SLC25A12: variants seen among roughly 807,000 people sequenced by gnomAD.
The protein encoded by SLC25A12 is solute carrier family 25 member 12.
SLC25A12 carries 32 observed loss-of-function variants against 83.3 expected under a neutral mutation model. The ratio of observed to expected loss-of-function variants is 0.38; its 90% CI spans 0.29 to 0.52. The LOEUF (loss-of-function observed/expected upper bound fraction) is 0.52. Among genes scored for constraint, SLC25A12 ranks in the 20% least tolerant of loss-of-function variants. The pLI is 0.84. For synonymous variants in SLC25A12, 267 were observed against 291.1 expected (o/e 0.92, Z 0.84); for missense variants, 611 against 835.6 (o/e 0.73, Z 3.31).
chr2:171,863,529 C>A (rs75517516), intron 3 of SLC25A12, among the ~76,000 whole-genome samples: 131 of 128,186 alleles, frequency 1.0e-3, no homozygotes, highest in African/African-American at 1.9e-3. Context: ...CCGTCTCCGA[C>A]AAAAAAAAAA....
intron 2 of SLC25A12, among the ~76,000 whole-genome samples, chr2:171,874,701 A>G (rs887069291): frequency 1.3e-5 from 2 of 152,224 alleles, no homozygotes; most frequent in Non-Finnish European, 2.9e-5. Context: ...ATGCAGCCAT[A>G]AAAAAGACTG....
At chr2:171,858,818 C>G (rs571849913) in intron 3 of SLC25A12, among the ~76,000 whole-genome samples, 38 of 152,206 alleles carry the variant, frequency 2.5e-4, no homozygotes, top group Non-Finnish European at 4.7e-4. Context: ...TATCTATCTA[C>G]AGACCACACT....
chr2:171,828,680 C>T (rs1684365755), intron 8 of SLC25A12, among the ~76,000 whole-genome samples: 1 of 152,198 alleles, frequency 6.6e-6, no homozygotes, highest in South Asian at 2.1e-4. Context: ...ACCTTTCCCC[C>T]CTTGAGATTA....
intron 2 of SLC25A12, among the ~76,000 whole-genome samples, chr2:171,876,399 G>A (rs922102623): frequency 6.6e-6 from 1 of 152,160 alleles, no homozygotes; most frequent in African/African-American, 2.4e-5. Context: ...CAACCAAAGA[G>A]GGAGTTTAGA....
intron 3 of SLC25A12, among the ~76,000 whole-genome samples, chr2:171,867,871 G>T (rs2105916907): frequency 6.6e-6 from 1 of 152,258 alleles, no homozygotes; most frequent in Admixed American, 6.5e-5. Flanking sequence ...CTGAGATGGA[G>T]CCTCGCTCTG....
chr2:171,881,395 A>G (rs1685691543), intron 2 of SLC25A12, among the ~76,000 whole-genome samples: 1 of 152,180 alleles, frequency 6.6e-6, no homozygotes, highest in African/African-American at 2.4e-5. Flanking sequence ...CAGGTGATCC[A>G]GCCGCCTCGG....
At chr2:171,799,430 T>C (rs919026237) in intron 13 of SLC25A12, among the ~76,000 whole-genome samples, 1 of 152,204 alleles carries the variant, frequency 6.6e-6, no homozygotes. Context: ...AACTACTCTT[T>C]AGAGATATAC....
chr2:171,878,641 T>C (rs923523603), intron 2 of SLC25A12, among the ~76,000 whole-genome samples: 1 of 152,222 alleles, frequency 6.6e-6, no homozygotes, highest in African/African-American at 2.4e-5. Flanking sequence ...CAAAACAAAC[T>C]GTTCCTCCAT....
intron 15 of SLC25A12, among the ~76,000 whole-genome samples, chr2:171,790,416 G>A (rs940980139): frequency 1.2e-4 from 18 of 152,276 alleles, no homozygotes; most frequent in Middle Eastern, 3.4e-3. Context: ...TTCCAAGTCA[G>A]CTCCTTCCTA....
intron 2 of SLC25A12, among the ~76,000 whole-genome samples, chr2:171,878,303 G>A (rs1281056643): frequency 1.3e-5 from 2 of 152,088 alleles, no homozygotes; most frequent in Non-Finnish European, 2.9e-5. Flanking sequence ...CTTTAACAAG[G>A]GTTTGCAGAA....
At chr2:171,887,870 T>C (rs559032100) in intron 2 of SLC25A12, among the ~76,000 whole-genome samples, 53 of 152,206 alleles carry the variant, frequency 3.5e-4, no homozygotes, top group Non-Finnish European at 7.1e-4. Context: ...AGAATCTTAG[T>C]GCATACTGTT....
intron 11 of SLC25A12, among the ~76,000 whole-genome samples, chr2:171,810,491 T>G (rs1436850108): frequency 6.6e-6 from 1 of 152,236 alleles, no homozygotes; most frequent in Non-Finnish European, 1.5e-5. Context: ...CTATAAATCC[T>G]CTTCTTAAGC....
At chr2:171,843,327 A>G (rs1475539188) in intron 5 of SLC25A12, among the ~76,000 whole-genome samples, 3 of 152,186 alleles carry the variant, frequency 2.0e-5, no homozygotes, top group African/African-American at 4.8e-5. Context: ...AATGAAAACT[A>G]GAAACTCTAA....
At chr2:171,856,237 G>A (rs1049147567) in intron 3 of SLC25A12, among the ~76,000 whole-genome samples, 48 of 152,130 alleles carry the variant, frequency 3.2e-4, no homozygotes, top group Admixed American at 3.1e-3. Context: ...TCAAGTCTCT[G>A]GATCAGTTTC....
chr2:171,813,354 A>G lies in SLC25A12; in HGVS notation c.1156T>C (p.Phe386Leu). The change falls in exon 11 of 18, where the codon TTT (phenylalanine) becomes CTT (leucine). Residue 386 changes from phenylalanine (F) to leucine (L), a missense_variant. Physicochemically the swap from Phe to Leu is conservative, Grantham distance 22. Transcript: ENST00000422440. Reference protein sequence around the residue: ...FKKVLRYEGFFGLYRGLIPQL... With the variant: ...FKKVLRYEGFLGLYRGLIPQL... ...GCTTACTCACCCCTGTAGAGTCCAAAGAAGCCCTCATAACGCAAGACTTTC... is the reference window on the plus strand; with the variant it reads ...GCTTACTCACCCCTGTAGAGTCCAAGGAAGCCCTCATAACGCAAGACTTTC... The G allele has an allele frequency of 6.2e-7, 1 of 1,614,072 alleles. No homozygotes were observed. The highest frequency in any genetic ancestry group is 8.5e-7 in the Non-Finnish European group (1 of 1,179,938).
intron 5 of SLC25A12, among the ~76,000 whole-genome samples, chr2:171,840,001 A>C (rs1684638395): frequency 6.6e-6 from 1 of 152,222 alleles, no homozygotes; most frequent in Non-Finnish European, 1.5e-5. Context: ...CATAGACCAC[A>C]CACAGTTGAG....
At position 171,783,636 on chromosome 2, in the gene SLC25A12, C is replaced by T. The variant is rs1255295653; in HGVS notation, c.*1638G>A. Among the ~76,000 whole-genome samples the T allele has an allele frequency of 6.6e-6, 1 of 152,094 alleles. No individual in the cohort carries two copies. The highest frequency in any genetic ancestry group is 1.5e-5 in the Non-Finnish European group (1 of 68,020). On this transcript the variant is annotated 3_prime_UTR_variant, in exon 18 of 18. Transcript: ENST00000422440. ...GTGGTGGAGGTAGAAGGAGGGTAAG[C>T]GGGACACTTTCCCATCTCACTCTAG...
chr2:171,865,422 A>T (rs906764280), intron 3 of SLC25A12, among the ~76,000 whole-genome samples: 4 of 152,192 alleles, frequency 2.6e-5, no homozygotes, highest in African/African-American at 9.7e-5. Flanking sequence ...GCAGTTTGGG[A>T]GGCCGAGGCA....
At chr2:171,870,545 T>C (rs1253375593) in intron 2 of SLC25A12, among the ~76,000 whole-genome samples, 2 of 151,826 alleles carry the variant, frequency 1.3e-5, no homozygotes, top group African/African-American at 4.8e-5. Flanking sequence ...TGCTTGAGCC[T>C]AGGAGGTGGA....
Sources: gnomAD v4.1 joint callset for allele counts (sites outside exome capture counted in the v4.1 genomes callset) on GRCh38, gnomAD v4.1.1 for gene constraint, MANE v1.5 for transcripts, NCBI Gene and HGNC (gene_info 2026-07-23, HGNC 2026-07-21) for gene names.